Variants in CUL5 observed in about 807,000 individuals in gnomAD.
CUL5 encodes the protein cullin-5.
In CUL5, 26 loss-of-function variants were observed where a neutral mutation model predicts 108.8. The observed-to-expected ratio is 0.24, with a 90% CI of 0.18 to 0.33. CUL5 has a LOEUF of 0.33. CUL5 is among the 10% of genes least tolerant of loss of function. The probability of loss-of-function intolerance (pLI) is 1.00; values close to 1 mark genes in which losing one functional copy is unlikely to be tolerated. For missense variants in CUL5, 524 were observed against 909.2 expected, an observed-to-expected ratio of 0.58 and a Z score of 5.45; for synonymous variants, 334 against 298.0, an observed-to-expected ratio of 1.12 and a Z score of -1.25.
chr11:108,009,267 G>T lies in CUL5; in HGVS notation c.-82G>T. ...GGGCCGACGGGCCCTGGGCCCTGGT[G>T]GGAGCTCCGGCCTCCGGTCAAGGCC... On this transcript the variant is annotated 5_prime_UTR_variant, in exon 1 of 19. Coordinates refer to ENST00000393094, the MANE Select transcript of CUL5 (RefSeq NM_003478.6). 1 of 1,519,620 alleles carries T rather than the reference G, an allele frequency of 6.6e-7. No individual in the cohort carries two copies. The highest frequency in any genetic ancestry group is 1.1e-5 in the South Asian group (1 of 87,654). 94.1% of individuals were successfully genotyped at this position (1,519,620 alleles called of 1,614,324 possible).
At chr11:108,011,302 A>C (rs915040985) in intron 1 of CUL5, among the ~76,000 whole-genome samples, 1 of 152,190 alleles carries the variant, frequency 6.6e-6, no homozygotes, top group Non-Finnish European at 1.5e-5. Context: ...ATTTTGGTTC[A>C]TATTAGTTAA....
At chr11:108,027,273 A>ATTTTTTTT (rs35581482) in intron 1 of CUL5, among the ~76,000 whole-genome samples, 1 of 142,306 alleles carries the variant, frequency 7.0e-6, no homozygotes, top group Non-Finnish European at 1.5e-5. Context: ...TGCCCAGCTA[A>ATTTTTTTT]TTTTTTTTTT....
chr11:108,103,343 T>A (rs1048407827), intron 18 of CUL5, among the ~76,000 whole-genome samples: 20 of 152,146 alleles, frequency 1.3e-4, no homozygotes, highest in African/African-American at 4.3e-4. Flanking sequence ...GGGGAGTATT[T>A]GAGTCTGGGG....
intron 1 of CUL5, among the ~76,000 whole-genome samples, chr11:108,021,023 C>T (rs1423103349): frequency 6.6e-6 from 1 of 152,082 alleles, no homozygotes; most frequent in Non-Finnish European, 1.5e-5. Context: ...AAATTCTTAC[C>T]ACTTTGTCCT....
At chr11:108,097,259 G>C (rs1409321174) in intron 16 of CUL5, among the ~76,000 whole-genome samples, 1 of 152,136 alleles carries the variant, frequency 6.6e-6, no homozygotes, top group Non-Finnish European at 1.5e-5. Flanking sequence ...CAAGTAATCT[G>C]CCTGCCTCAG....
intron 9 of CUL5, 146 bp from the exon 10 acceptor site, chr11:108,073,244 G>T: frequency 1.9e-6 from 1 of 517,596 alleles, no homozygotes; most frequent in Non-Finnish European, 3.4e-6. Context: ...TGGCAAAACA[G>T]TAATATTGGA....
At chr11:108,098,337 C>A (rs1174921106) in intron 17 of CUL5, 69 bp from the exon 18 acceptor site, 4 of 1,345,542 alleles carry the variant, frequency 3.0e-6, no homozygotes, top group Non-Finnish European at 4.1e-6. Flanking sequence ...TTCTCTCAGA[C>A]ATTGTTGCTA....
At chr11:108,033,572 T>G (rs1862649129) in intron 1 of CUL5, among the ~76,000 whole-genome samples, 1 of 152,206 alleles carries the variant, frequency 6.6e-6, no homozygotes, top group Non-Finnish European at 1.5e-5. Flanking sequence ...GACTGTCTCC[T>G]TGGACAAGGC....
intron 1 of CUL5, among the ~76,000 whole-genome samples, chr11:108,028,999 C>G (rs1862515161): frequency 6.6e-6 from 1 of 152,170 alleles, no homozygotes; most frequent in South Asian, 2.1e-4. Context: ...TCTGCTCTCT[C>G]CACTTTGTTT....
intron 1 of CUL5, among the ~76,000 whole-genome samples, chr11:108,015,722 C>T (rs758622479): frequency 5.3e-5 from 8 of 152,130 alleles, no homozygotes; most frequent in Non-Finnish European, 1.0e-4. Flanking sequence ...TAGAATCTTT[C>T]ATGTTCTATG....
chr11:108,041,584 G>T (rs1862915090), intron 2 of CUL5, among the ~76,000 whole-genome samples: 1 of 149,702 alleles, frequency 6.7e-6, no homozygotes, highest in South Asian at 2.1e-4. Context: ...ACCCGGCCTG[G>T]TTTTTTCTTT....
chr11:108,067,069 T>C (rs1455033729), intron 7 of CUL5, among the ~76,000 whole-genome samples: 3 of 152,208 alleles, frequency 2.0e-5, no homozygotes, highest in African/African-American at 7.2e-5. Flanking sequence ...CCTCAAATTA[T>C]AACTCAAGAC....
At chr11:108,030,224 G>A (rs1437023805) in intron 1 of CUL5, among the ~76,000 whole-genome samples, 2 of 152,212 alleles carry the variant, frequency 1.3e-5, no homozygotes, top group African/African-American at 4.8e-5. Flanking sequence ...AGAGGAGTGC[G>A]AAGTTACTTA....
At chr11:108,085,335 A>G (rs1358489087) in intron 11 of CUL5, among the ~76,000 whole-genome samples, 1 of 152,282 alleles carries the variant, frequency 6.6e-6, no homozygotes, top group East Asian at 1.9e-4. Context: ...CATAAGGACA[A>G]ATTTTGCATG....
intron 4 of CUL5, among the ~76,000 whole-genome samples, chr11:108,051,667 T>A (rs1452615131): frequency 6.6e-6 from 1 of 152,242 alleles, no homozygotes; most frequent in Admixed American, 6.5e-5. Context: ...ATGGAACATC[T>A]AAACAGTAGA....
At chr11:108,103,216 C>T (rs1049320551) in intron 18 of CUL5, among the ~76,000 whole-genome samples, 11 of 152,148 alleles carry the variant, frequency 7.2e-5, no homozygotes, top group African/African-American at 2.7e-4. Flanking sequence ...AGGAAATCAT[C>T]AAGAAAAATT....
At chr11:108,089,656 A>G (rs956840032) in intron 13 of CUL5, 33 bp downstream of exon 13, 11 of 1,206,082 alleles carry the variant, frequency 9.1e-6, no homozygotes, top group Non-Finnish European at 1.2e-5. Flanking sequence ...TTGGTTTTCT[A>G]ATACATTACA....
Position 108,060,814 on chromosome 11 carries a change from G to A in CUL5, c.780+5859G>A, listed in dbSNP as rs765479582. ...GCCATTGCACTCCAGCTTGGGCAAC[G>A]AGTGAAACTGTCTCAAAAAAAAAAA... On this transcript the variant is annotated intron_variant, in intron 7 of 18. Transcript: ENST00000393094. Among the ~76,000 whole-genome samples, 10 of 151,586 alleles carry A rather than the reference G, an allele frequency of 6.6e-5. No individual in the cohort carries two copies. The South Asian group carries it at 1.0e-3, about 16-fold the overall frequency.
At chr11:108,026,184 A>C (rs1862447521) in intron 1 of CUL5, among the ~76,000 whole-genome samples, 1 of 151,988 alleles carries the variant, frequency 6.6e-6, no homozygotes, top group East Asian at 1.9e-4. Context: ...GCTTGGGAAA[A>C]GTGTACAACC....
Sources: gnomAD v4.1 joint callset for allele counts (sites outside exome capture counted in the v4.1 genomes callset) on GRCh38, gnomAD v4.1.1 for gene constraint, MANE v1.5 for transcripts, NCBI Gene and HGNC (gene_info 2026-07-23, HGNC 2026-07-21) for gene names.